The following LRRC37A2 variants were observed in gnomAD, a reference collection of about 807,000 sequenced individuals.
The protein encoded by LRRC37A2 is leucine rich repeat containing 37 member A2.
A neutral mutation model predicts 68.8 loss-of-function variants in LRRC37A2; 9 were observed. That is an observed-to-expected ratio of 0.13 (90% confidence interval 0.08 to 0.23). The LOEUF is 0.23. Among genes scored for constraint, LRRC37A2 ranks in the 10% least tolerant of loss-of-function variants. The pLI is 1.00. For synonymous variants in LRRC37A2, 63 were observed against 367.6 expected (o/e 0.17, Z 9.48); for missense variants, 168 against 950.4 (o/e 0.18, Z 10.82).
the LRRC37A2 span, chr17:46,851,614 T>C: frequency 8.1e-7 from 1 of 1,237,414 alleles, no homozygotes; most frequent in South Asian, 3.0e-5. This position sits in a 1 kb window ranked among gnomAD's most constrained non-coding sequence, Gnocchi z 4.3. Context: ...GAGGAGATGC[T>C]AGAGGGCGCA....
At chr17:46,707,758 G>A in the LRRC37A2 span, among the ~76,000 whole-genome samples, 158 of 152,246 alleles carry the variant, frequency 1.0e-3, no homozygotes, top group East Asian at 0.028. Context: ...TGGGCCAGGC[G>A]TGGTGGCTCT....
chr17:46,804,494 A>T, the LRRC37A2 span, among the ~76,000 whole-genome samples: 1 of 152,072 alleles, frequency 6.6e-6, no homozygotes, highest in South Asian at 2.1e-4. Context: ...AAGTGCTGTA[A>T]GACACCAGAC....
chr17:46,814,946 C>T, the LRRC37A2 span, among the ~76,000 whole-genome samples: 12 of 152,142 alleles, frequency 7.9e-5, no homozygotes, highest in Non-Finnish European at 1.8e-4. Flanking sequence ...AGCTCACTGC[C>T]CTTGTCCTCT....
the LRRC37A2 span, chr17:47,018,604 C>T: frequency 6.6e-7 from 1 of 1,520,400 alleles, no homozygotes. Context: ...GAAGCTGGAC[C>T]TTTAGCAGTT....
chr17:46,917,647 G>A, the LRRC37A2 span, among the ~76,000 whole-genome samples: 2 of 152,190 alleles, frequency 1.3e-5, no homozygotes, highest in Non-Finnish European at 2.9e-5. Flanking sequence ...CATTCCCGCT[G>A]CTTCACTAGG....
the LRRC37A2 span, among the ~76,000 whole-genome samples, chr17:46,809,578 A>T: frequency 6.6e-6 from 1 of 152,140 alleles, no homozygotes; most frequent in East Asian, 1.9e-4. Context: ...GGCCATTAGG[A>T]TTCCCTGATG....
At chr17:46,719,431 G>A in the LRRC37A2 span, among the ~76,000 whole-genome samples, 1 of 152,092 alleles carries the variant, frequency 6.6e-6, no homozygotes, top group Non-Finnish European at 1.5e-5. The surrounding 1 kb of genome is among the most constrained non-coding windows in gnomAD (Gnocchi z 4.3). Context: ...GCTAAAATAC[G>A]TGAAAGTAGT....
chr17:46,761,326 TTTTG>T, the LRRC37A2 span, among the ~76,000 whole-genome samples: 30 of 151,750 alleles, frequency 2.0e-4, no homozygotes, highest in South Asian at 4.2e-4. Context: ...CCTGGTTTTT[TTTTG>T]TTTGTTTTTT....
chr17:46,791,450 G>T, the LRRC37A2 span, among the ~76,000 whole-genome samples: 1 of 151,868 alleles, frequency 6.6e-6, no homozygotes, highest in African/African-American at 2.4e-5. Context: ...CAAGTGATCC[G>T]CCCGCCTCAG....
At chr17:47,036,585 A>T in the LRRC37A2 span, among the ~76,000 whole-genome samples, 3 of 132,742 alleles carry the variant, frequency 2.3e-5, no homozygotes, top group East Asian at 2.0e-4. Flanking sequence ...AGCACCATTT[A>T]AAAAAAAAAA....
At chr17:46,869,652 T>C in the LRRC37A2 span, among the ~76,000 whole-genome samples, 12 of 152,174 alleles carry the variant, frequency 7.9e-5, no homozygotes, top group African/African-American at 2.9e-4. Flanking sequence ...TGCATTTAGT[T>C]AGACAAACCA....
chr17:46,671,936 G>A, the LRRC37A2 span, among the ~76,000 whole-genome samples: 12 of 143,906 alleles, frequency 8.3e-5, no homozygotes, highest in East Asian at 1.9e-4. Flanking sequence ...GAATAAGCAC[G>A]GTCCATAAAT....
chr17:46,775,945 A>G, the LRRC37A2 span, among the ~76,000 whole-genome samples: 1 of 152,148 alleles, frequency 6.6e-6, no homozygotes, highest in African/African-American at 2.4e-5. Context: ...GTAATGGCTA[A>G]TTACTGATTT....
chr17:46,958,497 T>C, the LRRC37A2 span, among the ~76,000 whole-genome samples: 3 of 152,238 alleles, frequency 2.0e-5, no homozygotes, highest in Non-Finnish European at 4.4e-5. Context: ...ACAGCCTGAC[T>C]AAGCCAAGAG....
the LRRC37A2 span, among the ~76,000 whole-genome samples, chr17:46,969,878 T>C: frequency 2.0e-5 from 3 of 152,176 alleles, no homozygotes; most frequent in African/African-American, 7.2e-5. Flanking sequence ...GCCCCCTCTC[T>C]GGTGCCCACT....
the LRRC37A2 span, among the ~76,000 whole-genome samples, chr17:46,919,586 T>C: frequency 2.6e-5 from 4 of 152,192 alleles, no homozygotes; most frequent in Non-Finnish European, 4.4e-5. Context: ...TATCCTCTGA[T>C]AGATTTTTCT....
chr17:46,746,262 C>G, the LRRC37A2 span, among the ~76,000 whole-genome samples: 2 of 152,188 alleles, frequency 1.3e-5, no homozygotes, highest in Non-Finnish European at 2.9e-5. Context: ...GTACTTCTAT[C>G]TCATATTCTA....
the LRRC37A2 span, chr17:46,966,385 A>G: frequency 3.6e-6 from 2 of 550,984 alleles, no homozygotes; most frequent in Admixed American, 3.2e-5. Context: ...CACCTCTTCA[A>G]GGCCCTCAGA....
the LRRC37A2 span, chr17:47,021,881 G>A: frequency 2.6e-6 from 4 of 1,525,372 alleles, no homozygotes; most frequent in Non-Finnish European, 3.6e-6. Context: ...TTCTTACATT[G>A]ATGGAAATGT....
Sources: allele counts gnomAD v4.1 joint callset (sites outside exome capture counted in the v4.1 genomes callset), GRCh38; gene constraint gnomAD v4.1.1; non-coding constraint Gnocchi (gnomAD v3.1); transcripts MANE v1.5; gene names NCBI Gene and HGNC (gene_info 2026-07-23, HGNC 2026-07-21).